The following TNR variants were observed in gnomAD, a reference collection of about 807,000 sequenced individuals.
The protein encoded by TNR is tenascin-R.
A neutral mutation model predicts 150.4 loss-of-function variants in TNR; 45 were observed. The observed-to-expected ratio is 0.30, with a 90% confidence interval of 0.24 to 0.38. The LOEUF (loss-of-function observed/expected upper bound fraction) is 0.38, where lower values mean the gene tolerates loss of function less well. Ranked by LOEUF, TNR falls within the 10% of genes least tolerant of loss-of-function variation. The pLI, the probability that TNR is intolerant of heterozygous loss-of-function variation, is 1.00. For synonymous variants in TNR, 687 were observed against 678.4 expected (o/e 1.01, Z -0.20); for missense variants, 1,544 against 1,759.1 (o/e 0.88, Z 2.19).
intron 2 of TNR, among the ~76,000 whole-genome samples, chr1:175,407,173 T>C (rs1654003985): frequency 6.6e-6 from 1 of 152,128 alleles, no homozygotes; most frequent in Non-Finnish European, 1.5e-5. Flanking sequence ...TTGGGTGTCC[T>C]CTCCTATTTC....
chr1:175,359,229 T>G (rs889491708), intron 15 of TNR, among the ~76,000 whole-genome samples: 1 of 140,728 alleles, frequency 7.1e-6, no homozygotes, highest in Non-Finnish European at 1.5e-5. Context: ...CACTGTAACC[T>G]CCACTTCCTG....
chr1:175,632,447 T>C (rs1664354098), intron 1 of TNR, among the ~76,000 whole-genome samples: 1 of 152,188 alleles, frequency 6.6e-6, no homozygotes, highest in Non-Finnish European at 1.5e-5. Flanking sequence ...CAACATCAGA[T>C]TATTTTATTT....
intron 2 of TNR, among the ~76,000 whole-genome samples, chr1:175,474,721 G>A (rs528555624): frequency 2.0e-5 from 3 of 152,178 alleles, no homozygotes; most frequent in South Asian, 2.1e-4. Context: ...TAATGTTGCC[G>A]CTGGTAAGAG....
At chr1:175,536,921 C>G (rs1660314828) in intron 1 of TNR, among the ~76,000 whole-genome samples, 1 of 152,184 alleles carries the variant, frequency 6.6e-6, no homozygotes. Context: ...GCCCATTCTT[C>G]TTGGGATGAG....
At chr1:175,633,554 C>T (rs1664399878) in intron 1 of TNR, among the ~76,000 whole-genome samples, 2 of 152,200 alleles carry the variant, frequency 1.3e-5, no homozygotes, top group African/African-American at 2.4e-5. Flanking sequence ...TATGTAATTA[C>T]AATTAATTAA....
At chr1:175,738,157 C>A (rs1359023039) in intron 1 of TNR, among the ~76,000 whole-genome samples, 2 of 152,072 alleles carry the variant, frequency 1.3e-5, no homozygotes, top group South Asian at 2.1e-4. Context: ...GGAAAGTGTA[C>A]AATTTTAACT....
chr1:175,691,723 G>A (rs1666374759), intron 1 of TNR, among the ~76,000 whole-genome samples: 2 of 152,144 alleles, frequency 1.3e-5, no homozygotes, highest in Admixed American at 1.3e-4. Context: ...CAGACAGGCA[G>A]CCTGCAGCTG....
chr1:175,551,491 A>G (rs1468808407), intron 1 of TNR, among the ~76,000 whole-genome samples: 1 of 152,208 alleles, frequency 6.6e-6, no homozygotes, highest in East Asian at 1.9e-4. Context: ...GAAAAGGGTT[A>G]CTGGGGTGCC....
intron 2 of TNR, among the ~76,000 whole-genome samples, chr1:175,483,116 C>T (rs946961896): frequency 7.2e-5 from 11 of 152,152 alleles, no homozygotes; most frequent in East Asian, 1.9e-4. Flanking sequence ...CTGTGCCAGG[C>T]GCCAGTGGTA....
rs1488668869 is a variant in TNR, at chr1:175,743,566, C to T, written c.-505G>A. 1 of 152,062 alleles carries T rather than the reference C, an allele frequency of 6.6e-6. No homozygotes were observed. Among genetic ancestry groups the T allele is most frequent in the African/African-American group, 2.4e-5 (1 of 41,338 alleles). The allele number at this position is 152,062 out of a possible 1,614,324, so 9.4% of individuals were successfully genotyped here. On this transcript the variant is annotated 5_prime_UTR_variant, in exon 1 of 23. Coordinates refer to ENST00000367674, the MANE Select transcript of TNR (RefSeq NM_003285.3). The stretch of plus-strand genomic sequence containing the variant: ...CTCCTCTGGGTGTTGAGCCAACAGC[C>T]TTAGCACAGTCGGTTCCTGCCTCTG...
chr1:175,366,938 T>C (rs531607870), intron 10 of TNR, among the ~76,000 whole-genome samples: 2 of 152,318 alleles, frequency 1.3e-5, no homozygotes, highest in East Asian at 3.9e-4. Context: ...ATTTAGGATT[T>C]TCCACCTCTG....
At chr1:175,406,885 G>A (rs1243220390) in intron 2 of TNR, 108 bp from the exon 3 acceptor site, 7 of 629,964 alleles carry the variant, frequency 1.1e-5, no homozygotes, top group Non-Finnish European at 1.6e-5. Flanking sequence ...GATTTTCAAG[G>A]GGGGGGCGTC....
chr1:175,572,425 G>A (rs575311113), intron 1 of TNR, among the ~76,000 whole-genome samples: 1 of 152,234 alleles, frequency 6.6e-6, no homozygotes, highest in East Asian at 1.9e-4. Flanking sequence ...TATTTTAGTA[G>A]AGAATGGGCC....
Position 175,522,136 on chromosome 1 carries a change from T to C in TNR, c.-64+6133A>G, listed in dbSNP as rs771035575. On this transcript the variant is annotated intron_variant, in intron 2 of 22. Transcript: ENST00000367674. Reference sequence around the variant, plus strand: ...CTCCACTTCTCCTTTTTTTTTCTCCTGCCTAAATGCCACAGGCTGGCGGCA... The same window carrying C: ...CTCCACTTCTCCTTTTTTTTTCTCCCGCCTAAATGCCACAGGCTGGCGGCA... 7.9e-5 allele frequency among the ~76,000 whole-genome samples: 12 copies of C among 152,316 alleles called. No individual in the cohort carries two copies. The South Asian group carries it at 1.9e-3, about 24-fold the overall frequency.
At position 175,599,921 on chromosome 1, in the gene TNR, C is replaced by G. The variant is rs112314455; in HGVS notation, c.-164-71552G>C. Among the ~76,000 whole-genome samples the G allele has an allele frequency of 1.3e-5, 2 of 152,132 alleles. No individual in the cohort carries two copies. The highest frequency in any genetic ancestry group is 2.9e-5 in the Non-Finnish European group (2 of 68,024). On this transcript the variant is annotated intron_variant, in intron 1 of 22. Coordinates refer to ENST00000367674, the MANE Select transcript of TNR (RefSeq NM_003285.3). This position sits in a 1 kb window ranked among gnomAD's most constrained non-coding sequence, Gnocchi z 4.7. ...GCTGAGGCAGGCAAGAGACTGGGGC[C>G]GGTTCTACAGGAGGGAGGAAAAGAG...
chr1:175,420,814 T>A (rs1654717561), intron 2 of TNR, among the ~76,000 whole-genome samples: 2 of 152,218 alleles, frequency 1.3e-5, no homozygotes, highest in Admixed American at 1.3e-4. Context: ...AGAAGTGCTC[T>A]GAGGGTAATG....
intron 4 of TNR, among the ~76,000 whole-genome samples, chr1:175,402,221 G>A (rs914510628): frequency 2.0e-5 from 3 of 149,408 alleles, no homozygotes; most frequent in Non-Finnish European, 3.0e-5. Flanking sequence ...GCAGGAGAAT[G>A]GTGTGAACCC....
chr1:175,405,724 C>G (rs1182001375), intron 3 of TNR, among the ~76,000 whole-genome samples: 3 of 151,992 alleles, frequency 2.0e-5, no homozygotes, highest in Non-Finnish European at 4.4e-5. Flanking sequence ...GGGATAGGTC[C>G]TCTGAGACCT....
intron 2 of TNR, among the ~76,000 whole-genome samples, chr1:175,442,924 C>T (rs1233953716): frequency 2.0e-5 from 3 of 151,906 alleles, no homozygotes; most frequent in Non-Finnish European, 4.4e-5. Context: ...AATACCCATA[C>T]TTTTCCAAGT....
Sources: gnomAD v4.1 joint callset for allele counts (sites outside exome capture counted in the v4.1 genomes callset) on GRCh38, gnomAD v4.1.1 for gene constraint, Gnocchi (gnomAD v3.1) non-coding constraint, MANE v1.5 for transcripts, NCBI Gene and HGNC (gene_info 2026-07-23, HGNC 2026-07-21) for gene names.